The following C3 variants were observed in gnomAD, a reference collection of about 807,000 sequenced individuals.
The protein encoded by C3 is C3 and PZP-like alpha-2-macroglobulin domain-containing protein 1.
Under a neutral mutation model 207.9 loss-of-function variants are expected in C3, and 97 were observed. The ratio of observed to expected loss-of-function variants is 0.47; its 90% CI spans 0.40 to 0.55. The LOEUF (loss-of-function observed/expected upper bound fraction) is 0.55, where lower values mean the gene tolerates loss of function less well. C3 is among the 20% of genes least tolerant of loss of function. C3 has a pLI of 0.00. For missense variants in C3, 1,684 were observed against 2,171.7 expected (o/e 0.78, Z 4.46); for synonymous variants, 848 against 857.6 (o/e 0.99, Z 0.20).
chr19:6,705,332 T>TTCTC (rs200729858), intron 17 of C3, among the ~76,000 whole-genome samples: 20 of 149,450 alleles, frequency 1.3e-4, no homozygotes, highest in African/African-American at 4.9e-4. Context: ...TTCTTTTCTT[T>TTCTC]TCTCTCTCTT....
chr19:6,700,717 G>A (rs35162257), intron 19 of C3, among the ~76,000 whole-genome samples: 3,359 of 19,160 alleles, frequency 0.18, 772 homozygotes, highest in East Asian at 0.48. Flanking sequence ...TATGTGGTAT[G>A]TTATATATGT....
At chr19:6,683,609 C>CA (rs1917923075) in intron 33 of C3, among the ~76,000 whole-genome samples, 1 of 151,970 alleles carries the variant, frequency 6.6e-6, no homozygotes, top group Non-Finnish European at 1.5e-5. Flanking sequence ...CGCCACCATG[C>CA]CCGGCTAATT....
In C3 at chr19:6,686,733, G is replaced by T. The variant is rs1175551212; in HGVS notation, c.3646+13C>A. 9 of 1,612,844 alleles carry T rather than the reference G, an allele frequency of 5.6e-6. No homozygotes were observed. Among genetic ancestry groups the T allele is most frequent in the African/African-American group, 1.3e-5 (1 of 74,906 alleles). ...CCATGCATCTCCCTTCACCCCTCCA[G>T]GCCAACCCTCACCTTTGGCTGTGGT... On this transcript the variant is annotated intron_variant, in intron 28 of 40. Transcript: ENST00000245907.
intron 17 of C3, among the ~76,000 whole-genome samples, chr19:6,705,340 C>CTCTCT (rs370147369): frequency 0.041 from 5,847 of 144,050 alleles, 389 homozygotes; most frequent in African/African-American, 0.14. Context: ...TTTTCTCTCT[C>CTCTCT]TTTTTTTTTT....
rs1422019792 is a variant in C3, at chr19:6,707,452, G to A, written c.2047+14C>T. On this transcript the variant is annotated intron_variant, in intron 16 of 40. Transcript: ENST00000245907. ...TGGGGCTCGGGGGCAGGAGTGGGTA[G>A]GAAAGGCTCCCACCTTTGTCCATTC... 1 of 1,613,558 alleles carries A rather than the reference G, an allele frequency of 6.2e-7. No individual in the cohort carries two copies.
intron 4 of C3, chr19:6,717,727 TTG>T (rs889962356): frequency 5.6e-6 from 2 of 359,104 alleles, no homozygotes; most frequent in Admixed American, 4.6e-5. Context: ...GTGTATTGTG[TTG>T]TGTGTGTTGT....
chr19:6,712,909 G>C (rs1244105239), intron 9 of C3, among the ~76,000 whole-genome samples: 1 of 143,264 alleles, frequency 7.0e-6, no homozygotes, highest in East Asian at 2.0e-4. Context: ...TCTTTATACT[G>C]GCCCTGCCTC....
chr19:6,696,770 G>A (rs1215943391), intron 21 of C3, 111 bp from the exon 22 acceptor site: 12 of 1,078,512 alleles, frequency 1.1e-5, no homozygotes, highest in South Asian at 8.7e-5. Flanking sequence ...TGCCGGGCGC[G>A]GTGGCTCGTG....
At position 6,700,244 on chromosome 19, in the gene C3, TATATA is replaced by T. The variant is rs1209908353; in HGVS notation, c.2440+1878_2440+1882del. Among the ~76,000 whole-genome samples the T allele has an allele frequency of 1.3e-4, 18 of 135,908 alleles. 1 individual carries two copies. Among genetic ancestry groups the T allele is most frequent in the African/African-American group, 2.7e-4 (10 of 37,674 alleles). 89.2% of individuals were successfully genotyped at this position (135,908 alleles called of 152,430 possible). ...TATATATTATATATGTAATATACAA[TATATA>T]ATATATTATATATGTAATATGCAAC... On this transcript the variant is annotated intron_variant, in intron 19 of 40. Coordinates refer to ENST00000245907, the MANE Select transcript of C3 (RefSeq NM_000064.4).
Position 6,718,085 on chromosome 19 carries a change from G to C in C3, c.504+9C>G. Reference sequence around the variant, plus strand: ...CCCTGCTTCCCCTGGGGCCCCCTCTGGCTGGCACCTCAATGTTGACCATGA... The same window carrying C: ...CCCTGCTTCCCCTGGGGCCCCCTCTCGCTGGCACCTCAATGTTGACCATGA... On this transcript the variant is annotated intron_variant, in intron 4 of 40. Coordinates refer to ENST00000245907, the MANE Select transcript of C3 (RefSeq NM_000064.4). 1 of 1,613,970 alleles carries C rather than the reference G, an allele frequency of 6.2e-7. No individual in the cohort carries two copies. Among genetic ancestry groups the C allele is most frequent in the Non-Finnish European group, 8.5e-7 (1 of 1,179,896 alleles).
At chr19:6,679,298 C>A in intron 37 of C3, 90 bp from the exon 38 acceptor site, 17 of 1,440,692 alleles carry the variant, frequency 1.2e-5, no homozygotes, top group South Asian at 2.3e-5. Flanking sequence ...GAGCCTACCC[C>A]CCTTGGTATC....
At chr19:6,696,082 T>C (rs937677256) in intron 23 of C3, among the ~76,000 whole-genome samples, 5 of 150,962 alleles carry the variant, frequency 3.3e-5, no homozygotes, top group East Asian at 4.0e-4. Flanking sequence ...TGGTGGCGGG[T>C]GGCTGTAGTC....
rs767334972 is a variant in C3 at position 6,710,663 on chromosome 19, G to A, written c.1662C>T (p.Asp554=). The change falls in exon 13 of 41, where the codon GAC becomes GAT. Residue 554 remains aspartate (D), a synonymous_variant. Transcript: ENST00000245907. The stretch of plus-strand genomic sequence containing the variant: ...CCGAGCCCACGCAGGAGTCCTTGAC[G>A]TCCACCCACACGGAGTCGGCCACCA... ...REVVADSVWV[D]VKDSCVGSLV... is the part of the protein sequence containing the mutation. The A allele has an allele frequency of 7.4e-6, 12 of 1,613,172 alleles. No individual in the cohort carries two copies. The highest frequency in any genetic ancestry group is 2.2e-5 in the East Asian group (1 of 44,868).
rs1209518958 is a variant in C3, at chr19:6,677,828, A to G, written c.*54T>C. ...CCTCTCCCTCTTGGCAAAGAACTCC[A>G]GACACGTGAGATATAACTGAAGCTT... On this transcript the variant is annotated 3_prime_UTR_variant, in exon 41 of 41. Coordinates refer to ENST00000245907, the MANE Select transcript of C3 (RefSeq NM_000064.4). The G allele has an allele frequency of 3.1e-6, 5 of 1,609,326 alleles. No individual in the cohort carries two copies. Among genetic ancestry groups the G allele is most frequent in the Non-Finnish European group, 3.4e-6 (4 of 1,177,460 alleles).
chr19:6,684,367 C>G lies in C3; in HGVS notation c.4172+21G>C, dbSNP rs1485507162. 1.9e-6 allele frequency: 3 copies of G among 1,606,900 alleles called. No homozygotes were observed. In the African/African-American group the frequency reaches 4.0e-5, roughly 22 times the overall value. The stretch of plus-strand genomic sequence containing the variant: ...AGATAGAGGGATGGCCAAGATGAAC[C>G]CCGGTGACCTAGCTTCTTACCTGGT... On this transcript the variant is annotated intron_variant, in intron 33 of 40. Coordinates refer to ENST00000245907, the MANE Select transcript of C3 (RefSeq NM_000064.4).
intron 35 of C3, among the ~76,000 whole-genome samples, 172 bp from the exon 36 acceptor site, chr19:6,680,435 A>G (rs1325200774): frequency 3.3e-5 from 5 of 152,210 alleles, no homozygotes; most frequent in African/African-American, 1.2e-4. Flanking sequence ...CAGTGAGACT[A>G]CCTTTCTCAG....
chr19:6,703,563 T>C (rs1950346683), intron 17 of C3, among the ~76,000 whole-genome samples: 1 of 151,774 alleles, frequency 6.6e-6, no homozygotes, highest in Admixed American at 6.6e-5. Context: ...GCCAAGATTA[T>C]GCCACTGCAC....
chr19:6,720,075 GCACCAT>G (rs1232881463), intron 1 of C3, among the ~76,000 whole-genome samples: 2 of 151,950 alleles, frequency 1.3e-5, no homozygotes, highest in African/African-American at 4.8e-5. Flanking sequence ...ACCCCCAACC[GCACCAT>G]CAATGAACAC....
intron 33 of C3, chr19:6,682,942 C>G (rs344550): frequency 0.64 from 99,154 of 154,050 alleles, 32,037 homozygotes; most frequent in South Asian, 0.7. Flanking sequence ...ACTTCAAAGA[C>G]AGCATAAATG....
Sources: gnomAD v4.1 joint callset for allele counts (sites outside exome capture counted in the v4.1 genomes callset) on GRCh38, gnomAD v4.1.1 for gene constraint, MANE v1.5 for transcripts, NCBI Gene and HGNC (gene_info 2026-07-23, HGNC 2026-07-21) for gene names.